Variants in ATP13A3 observed in about 807,000 individuals in gnomAD.
ATP13A3 encodes the protein polyamine-transporting ATPase 13A3.
A neutral mutation model predicts 158.1 loss-of-function variants in ATP13A3; 59 were observed. That is an observed-to-expected ratio of 0.37 (90% confidence interval 0.30 to 0.46). ATP13A3 has a LOEUF of 0.46. ATP13A3 is among the 20% of genes least tolerant of loss of function. The probability of loss-of-function intolerance (pLI) is 1.00; values close to 1 mark genes in which losing one functional copy is unlikely to be tolerated. For missense variants in ATP13A3, 1,166 were observed against 1,525.2 expected (o/e 0.76, Z 3.92); for synonymous variants, 491 against 504.3 (o/e 0.97, Z 0.35).
At chr3:194,485,125 C>A (rs960324656) in intron 2 of ATP13A3, among the ~76,000 whole-genome samples, 3 of 151,986 alleles carry the variant, frequency 2.0e-5, no homozygotes, top group Non-Finnish European at 4.4e-5. Flanking sequence ...CTGACCAAAG[C>A]CAGGCATTGT....
intron 33 of ATP13A3, among the ~76,000 whole-genome samples, chr3:194,406,455 G>C (rs190856554): frequency 6.7e-4 from 102 of 152,156 alleles, no homozygotes; most frequent in African/African-American, 2.2e-3. Context: ...TTATTCTTTA[G>C]ATTATATTTT....
intron 33 of ATP13A3, among the ~76,000 whole-genome samples, chr3:194,410,225 C>T (rs1233790605): frequency 3.8e-5 from 5 of 132,870 alleles, no homozygotes; most frequent in Admixed American, 8.9e-5. Flanking sequence ...TTTGGGAGGC[C>T]GAGGCAGGCA....
intron 2 of ATP13A3, among the ~76,000 whole-genome samples, chr3:194,464,074 T>A (rs141634143): frequency 6.6e-6 from 1 of 152,064 alleles, no homozygotes; most frequent in South Asian, 2.1e-4. Context: ...GGTGAGAGAA[T>A]TGCTTGAACC....
intron 33 of ATP13A3, among the ~76,000 whole-genome samples, chr3:194,407,990 A>G (rs1409890076): frequency 6.7e-6 from 1 of 149,122 alleles, no homozygotes; most frequent in Non-Finnish European, 1.5e-5. Flanking sequence ...GAAAAAAACC[A>G]CTGTTCCTAA....
chr3:194,419,256 G>GT (rs1233100201), intron 31 of ATP13A3, among the ~76,000 whole-genome samples: 2 of 152,140 alleles, frequency 1.3e-5, no homozygotes, highest in African/African-American at 4.8e-5. Flanking sequence ...AACATATATG[G>GT]TAAGTATATA....
At chr3:194,480,751 T>G (rs768065858) in intron 2 of ATP13A3, among the ~76,000 whole-genome samples, 1 of 152,206 alleles carries the variant, frequency 6.6e-6, no homozygotes, top group Non-Finnish European at 1.5e-5. Flanking sequence ...TTCAACTACT[T>G]ACACTCTGGG....
chr3:194,476,805 T>G (rs868285458), intron 2 of ATP13A3, among the ~76,000 whole-genome samples: 46 of 151,454 alleles, frequency 3.0e-4, no homozygotes, highest in Non-Finnish European at 2.4e-4. Context: ...TGAACTAGAT[T>G]AAATAATATT....
chr3:194,478,810 T>TGTGGTAAAC (rs1720632565), intron 2 of ATP13A3, among the ~76,000 whole-genome samples: 2 of 152,204 alleles, frequency 1.3e-5, no homozygotes, highest in Non-Finnish European at 2.9e-5. Flanking sequence ...GCACAGTGTT[T>TGTGGTAAAC]ACCTGCTGGA....
At position 194,459,637 on chromosome 3, in the gene ATP13A3, A is replaced by G. The variant is rs972438765; in HGVS notation, c.409-96T>C. 5 of 1,116,894 alleles carry G rather than the reference A, an allele frequency of 4.5e-6. No homozygotes were observed. In the African/African-American group the frequency reaches 6.4e-5, roughly 14 times the overall value. The allele number at this position is 1,116,894 out of a possible 1,614,324, so 69.2% of individuals were successfully genotyped here. A position where few individuals can be genotyped will look rare whatever the true frequency, so the allele number is the denominator to read the frequency against. ...TTAACAGCTATATATAGGATTATAT[A>G]TAGCATTATATATAGTAATATGTAA... On this transcript the variant is annotated intron_variant, in intron 5 of 33. Coordinates refer to ENST00000645319, the MANE Select transcript of ATP13A3 (RefSeq NM_001367549.1).
intron 2 of ATP13A3, among the ~76,000 whole-genome samples, chr3:194,482,118 T>C (rs1468193014): frequency 6.6e-6 from 1 of 152,220 alleles, no homozygotes; most frequent in Non-Finnish European, 1.5e-5. Flanking sequence ...TGGACAGTTC[T>C]CTCCTTTATT....
At chr3:194,424,886 T>C (rs1716644717) in intron 30 of ATP13A3, among the ~76,000 whole-genome samples, 3 of 152,194 alleles carry the variant, frequency 2.0e-5, no homozygotes, top group South Asian at 4.1e-4. Context: ...ATGAAGAAGA[T>C]GGCAGATGCT....
At chr3:194,453,486 C>A (rs1384950030) in intron 10 of ATP13A3, among the ~76,000 whole-genome samples, 2 of 151,870 alleles carry the variant, frequency 1.3e-5, no homozygotes, top group African/African-American at 4.8e-5. Flanking sequence ...GTAGTCCCAG[C>A]TACTCGGGAG....
rs115661646 is a variant in ATP13A3 at position 194,459,284 on chromosome 3, G to A, written c.479+187C>T. ...TGTAAACTCTGCCATGGTGCAAGCT[G>A]CGGTGGGACTTATTTTAAAATGGCT... On this transcript the variant is annotated intron_variant, in intron 6 of 33. Transcript: ENST00000645319. 735 of 564,218 alleles carry A rather than the reference G, an allele frequency of 1.3e-3. 3 individuals carry two copies. Among genetic ancestry groups the A allele is most frequent in the African/African-American group, 0.011 (588 of 52,810 alleles). 35.0% of individuals were successfully genotyped at this position (564,218 alleles called of 1,614,324 possible). A position where few individuals can be genotyped will look rare whatever the true frequency, so the allele number is the denominator to read the frequency against.
At chr3:194,421,120 A>ATATATATATAG (rs1716270674) in intron 30 of ATP13A3, among the ~76,000 whole-genome samples, 4 of 37,556 alleles carry the variant, frequency 1.1e-4, no homozygotes, top group Non-Finnish European at 1.8e-4. Flanking sequence ...GGGTGTATAT[A>ATATATATATAG]TATATATATA....
upstream of ATP13A3, chr3:194,487,424 G>C (rs1243875961): frequency 6.6e-6 from 1 of 152,362 alleles, no homozygotes; most frequent in African/African-American, 2.4e-5. Flanking sequence ...CCAGAGCCCA[G>C]CTCCTAATGC....
intron 2 of ATP13A3, among the ~76,000 whole-genome samples, chr3:194,469,452 T>C (rs890687407): frequency 3.3e-5 from 5 of 151,966 alleles, no homozygotes; most frequent in Non-Finnish European, 5.9e-5. Flanking sequence ...AGAGTGAGAC[T>C]CTGTCTCAAA....
Position 194,412,332 on chromosome 3 carries a change from C to A in ATP13A3, c.3484-44G>T. The A allele has an allele frequency of 2.1e-6, 3 of 1,424,346 alleles. No homozygotes were observed. In the South Asian group the frequency reaches 3.7e-5, roughly 17 times the overall value. 88.2% of individuals were successfully genotyped at this position (1,424,346 alleles called of 1,614,324 possible). On this transcript the variant is annotated intron_variant, in intron 32 of 33. Coordinates refer to ENST00000645319, the MANE Select transcript of ATP13A3 (RefSeq NM_001367549.1). ...AGTTAAGAATTAATAATGACTAAGT[C>A]ATTTTTTATTAATGTGCACCTTTTT...
chr3:194,431,543 G>C (rs777994892), intron 22 of ATP13A3, among the ~76,000 whole-genome samples, 174 bp downstream of exon 22: 10 of 152,164 alleles, frequency 6.6e-5, no homozygotes, highest in Non-Finnish European at 1.3e-4. Context: ...TTTGAACATT[G>C]AGATTCCTGG....
At chr3:194,429,875 G>T (rs780386804) in intron 26 of ATP13A3, 101 bp from the exon 27 acceptor site, 11 of 1,140,428 alleles carry the variant, frequency 9.6e-6, no homozygotes, top group Non-Finnish European at 1.4e-5. Context: ...ACATTCAACG[G>T]CTACAACAAA....
Sources: gnomAD v4.1 joint callset for allele counts (sites outside exome capture counted in the v4.1 genomes callset) on GRCh38, gnomAD v4.1.1 for gene constraint, MANE v1.5 for transcripts, NCBI Gene and HGNC (gene_info 2026-07-23, HGNC 2026-07-21) for gene names.